Variants in SLC22A3 observed in about 807,000 individuals in gnomAD.
The protein encoded by SLC22A3 is EMT organic cation transporter 3.
A neutral mutation model predicts 59.1 loss-of-function variants in SLC22A3; 51 were observed. That is an observed-to-expected ratio of 0.86 (90% CI 0.69 to 1.09). SLC22A3 has a LOEUF of 1.09. SLC22A3 is among the 50% of genes least tolerant of loss of function. SLC22A3 has a pLI of 0.00. For synonymous variants in SLC22A3, 325 were observed against 292.0 expected, an observed-to-expected ratio of 1.11 and a Z score of -1.15; for missense variants, 711 against 726.3, an observed-to-expected ratio of 0.98 and a Z score of 0.24.
At chr6:160,388,326 G>A (rs1786105249) in intron 1 of SLC22A3, among the ~76,000 whole-genome samples, 1 of 152,152 alleles carries the variant, frequency 6.6e-6, no homozygotes, top group Admixed American at 6.5e-5. Context: ...AATACATTAT[G>A]TTGTGGTTCT....
intron 2 of SLC22A3, among the ~76,000 whole-genome samples, chr6:160,402,862 C>T (rs1245980458): frequency 6.6e-6 from 1 of 151,358 alleles, no homozygotes; most frequent in Non-Finnish European, 1.5e-5. Flanking sequence ...AAAATGAAAA[C>T]ACTCAAGACT....
intron 1 of SLC22A3, among the ~76,000 whole-genome samples, chr6:160,387,221 A>G (rs1031801054): frequency 6.6e-6 from 1 of 152,268 alleles, no homozygotes. Context: ...GCCCAGCCCA[A>G]CTTTGCTTTC....
intron 10 of SLC22A3, among the ~76,000 whole-genome samples, 186 bp downstream of exon 10, chr6:160,448,004 A>G (rs532267450): frequency 2.0e-5 from 3 of 152,360 alleles, no homozygotes; most frequent in African/African-American, 4.8e-5. Flanking sequence ...CCAGAGCTAG[A>G]TAAGAGTATG....
At chr6:160,384,863 C>A (rs1785937288) in intron 1 of SLC22A3, among the ~76,000 whole-genome samples, 1 of 152,200 alleles carries the variant, frequency 6.6e-6, no homozygotes, top group Non-Finnish European at 1.5e-5. Context: ...CTTTCCCATG[C>A]AGGGAAAGCA....
At chr6:160,363,885 C>T (rs1038059352) in intron 1 of SLC22A3, among the ~76,000 whole-genome samples, 3 of 151,812 alleles carry the variant, frequency 2.0e-5, no homozygotes, top group African/African-American at 4.8e-5. Flanking sequence ...CTGGGGTTCT[C>T]CCAGGCTGAC....
chr6:160,390,347 A>AT (rs1786205009), intron 1 of SLC22A3, among the ~76,000 whole-genome samples: 1 of 152,182 alleles, frequency 6.6e-6, no homozygotes, highest in African/African-American at 2.4e-5. Context: ...ACAACTCCAC[A>AT]GCCAAGGCAC....
At chr6:160,381,509 G>C (rs574247935) in intron 1 of SLC22A3, among the ~76,000 whole-genome samples, 2 of 152,168 alleles carry the variant, frequency 1.3e-5, no homozygotes, top group Non-Finnish European at 2.9e-5. Context: ...TAAAGGGAAA[G>C]TATATGAATA....
chr6:160,380,219 C>A (rs973632974), intron 1 of SLC22A3, among the ~76,000 whole-genome samples: 3 of 152,070 alleles, frequency 2.0e-5, no homozygotes, highest in African/African-American at 7.2e-5. Context: ...GTTTATAAAA[C>A]AACTGGAATA....
chr6:160,353,895 C>T (rs549329222), intron 1 of SLC22A3, among the ~76,000 whole-genome samples: 6 of 152,198 alleles, frequency 3.9e-5, no homozygotes, highest in Admixed American at 2.0e-4. Context: ...TGGAGACTCT[C>T]AGAGGGGAAC....
chr6:160,366,046 ACAATT>A (rs1216211838), intron 1 of SLC22A3, among the ~76,000 whole-genome samples: 1 of 152,196 alleles, frequency 6.6e-6, no homozygotes, highest in Non-Finnish European at 1.5e-5. Context: ...TATGAGAACT[ACAATT>A]CAAGATAGGA....
chr6:160,358,617 T>C (rs981606866), intron 1 of SLC22A3, among the ~76,000 whole-genome samples: 12 of 152,114 alleles, frequency 7.9e-5, no homozygotes, highest in Admixed American at 5.9e-4. Context: ...GTGGATTCAG[T>C]TGTGATATAG....
chr6:160,385,548 G>A (rs754207490), intron 1 of SLC22A3, among the ~76,000 whole-genome samples: 11 of 152,098 alleles, frequency 7.2e-5, no homozygotes, highest in Non-Finnish European at 1.0e-4. Context: ...TGTCTGCCCC[G>A]TGGCCTCCAG....
intron 1 of SLC22A3, among the ~76,000 whole-genome samples, chr6:160,373,299 A>G (rs1221373467): frequency 6.6e-6 from 1 of 152,186 alleles, no homozygotes; most frequent in Non-Finnish European, 1.5e-5. Context: ...TTGGAGGTCC[A>G]CTTTAGACCT....
intron 2 of SLC22A3, among the ~76,000 whole-genome samples, chr6:160,403,978 T>G (rs1230026678): frequency 6.6e-6 from 1 of 152,018 alleles, no homozygotes; most frequent in East Asian, 1.9e-4. Context: ...GACGATAAAC[T>G]GTACAGAAGC....
chr6:160,362,705 G>A (rs1473893731), intron 1 of SLC22A3, among the ~76,000 whole-genome samples: 1 of 152,220 alleles, frequency 6.6e-6, no homozygotes, highest in Non-Finnish European at 1.5e-5. Flanking sequence ...GGGAGAGGAG[G>A]AAGACTGTGT....
Position 160,451,375 on chromosome 6 carries a change from G to A in SLC22A3, c.*319G>A, listed in dbSNP as rs550052010. 3.3e-6 allele frequency: 1 copy of A among 301,742 alleles called. No individual in the cohort carries two copies. Among genetic ancestry groups the A allele is most frequent in the African/African-American group, 2.1e-5 (1 of 46,870 alleles). 18.7% of individuals were successfully genotyped at this position (301,742 alleles called of 1,614,324 possible). A position where few individuals can be genotyped will look rare whatever the true frequency, so the allele number is the denominator to read the frequency against. ...ATTAGGCTAAAGAGAGACAAGAGAA[G>A]CCCCCAACCTGATTCTCATGACAGC... On this transcript the variant is annotated 3_prime_UTR_variant, in exon 11 of 11. Coordinates refer to ENST00000275300, the MANE Select transcript of SLC22A3 (RefSeq NM_021977.4).
intron 1 of SLC22A3, among the ~76,000 whole-genome samples, chr6:160,389,300 C>G (rs1043569249): frequency 2.0e-5 from 3 of 152,104 alleles, no homozygotes; most frequent in Non-Finnish European, 2.9e-5. Context: ...ATCCAACTGA[C>G]TGATCCAATC....
chr6:160,440,742 C>A (rs984673065), intron 7 of SLC22A3, among the ~76,000 whole-genome samples: 3 of 152,124 alleles, frequency 2.0e-5, no homozygotes, highest in African/African-American at 7.2e-5. Flanking sequence ...GCCTTAGAAA[C>A]TTTTCTTTGG....
intron 5 of SLC22A3, among the ~76,000 whole-genome samples, chr6:160,429,054 TG>T (rs1222737873): frequency 1.3e-5 from 2 of 152,226 alleles, no homozygotes; most frequent in Non-Finnish European, 2.9e-5. Context: ...GCACCTCAGC[TG>T]TCACTGCCGA....
Sources: gnomAD v4.1 joint callset for allele counts (sites outside exome capture counted in the v4.1 genomes callset) on GRCh38, gnomAD v4.1.1 for gene constraint, MANE v1.5 for transcripts, NCBI Gene and HGNC (gene_info 2026-07-23, HGNC 2026-07-21) for gene names.